EVA1C: variants seen among roughly 807,000 people sequenced by gnomAD.
The protein encoded by EVA1C is eva-1 homolog C, also known as protein eva-1 homolog C.
A neutral mutation model predicts 45.4 loss-of-function variants in EVA1C; 25 were observed. That is an observed-to-expected ratio of 0.55 (90% CI 0.40 to 0.77). The LOEUF is 0.77. Among genes scored for constraint, EVA1C ranks in the 30% least tolerant of loss-of-function variants. The pLI is 0.00. For missense variants in EVA1C, 479 were observed against 554.8 expected (o/e 0.86, Z 1.37); for synonymous variants, 190 against 221.2 (o/e 0.86, Z 1.25).
At chr21:32,493,432 A>C (rs980400490) in intron 4 of EVA1C, among the ~76,000 whole-genome samples, 2 of 149,220 alleles carry the variant, frequency 1.3e-5, no homozygotes, top group African/African-American at 4.9e-5. Flanking sequence ...CACATTTCCT[A>C]CTCATTCGCT....
intron 1 of EVA1C, among the ~76,000 whole-genome samples, chr21:32,415,538 C>T (rs2034001891): frequency 6.6e-6 from 1 of 152,078 alleles, no homozygotes; most frequent in Non-Finnish European, 1.5e-5. Context: ...CTTCCTTGAG[C>T]CTTTTCCTGG....
At chr21:32,420,532 C>G (rs2146110909) in intron 1 of EVA1C, among the ~76,000 whole-genome samples, 1 of 151,540 alleles carries the variant, frequency 6.6e-6, no homozygotes, top group South Asian at 2.1e-4. Flanking sequence ...ACTATAGTCA[C>G]ATGCCAGCAG....
chr21:32,445,270 T>C (rs1255525175), intron 1 of EVA1C, among the ~76,000 whole-genome samples: 2 of 152,212 alleles, frequency 1.3e-5, no homozygotes, highest in Admixed American at 6.5e-5. Context: ...CAGATATACA[T>C]TTGCCTCAGG....
intron 3 of EVA1C, among the ~76,000 whole-genome samples, chr21:32,464,226 G>C (rs962919364): frequency 6.6e-6 from 1 of 152,190 alleles, no homozygotes; most frequent in Non-Finnish European, 1.5e-5. Context: ...AAGGGCCTTC[G>C]AGACATTTGC....
Position 32,457,739 on chromosome 21 carries a change from G to A in EVA1C, c.481+19G>A. ...CAACCTAGTAAGTAACTTCGGAGGG[G>A]GACAGTGTGTTTGGGGTGTGGTTCT... On this transcript the variant is annotated intron_variant, in intron 3 of 7. Transcript: ENST00000300255. The A allele has an allele frequency of 1.2e-6, 2 of 1,613,916 alleles. No homozygotes were observed. Among genetic ancestry groups the A allele is most frequent in the Non-Finnish European group, 1.7e-6 (2 of 1,179,862 alleles).
At chr21:32,464,747 G>T (rs1378155774) in intron 3 of EVA1C, among the ~76,000 whole-genome samples, 1 of 152,172 alleles carries the variant, frequency 6.6e-6, no homozygotes, top group Admixed American at 6.5e-5. Flanking sequence ...GCTTGAGCCT[G>T]GGAGGTGGAG....
At chr21:32,483,962 A>ATGTGTGTGTG (rs55688415) in intron 4 of EVA1C, among the ~76,000 whole-genome samples, 11 of 147,232 alleles carry the variant, frequency 7.5e-5, no homozygotes, top group East Asian at 6.0e-4. Flanking sequence ...CTCACTGTTT[A>ATGTGTGTGTG]TGTGTGTGTG....
chr21:32,456,238 T>C (rs2035778585), intron 2 of EVA1C, among the ~76,000 whole-genome samples: 1 of 152,130 alleles, frequency 6.6e-6, no homozygotes, highest in Non-Finnish European at 1.5e-5. Context: ...GCAAGGTGCT[T>C]CCTCAGAGGG....
At chr21:32,490,143 T>A (rs2037107635) in intron 4 of EVA1C, among the ~76,000 whole-genome samples, 1 of 151,930 alleles carries the variant, frequency 6.6e-6, no homozygotes, top group Non-Finnish European at 1.5e-5. Context: ...TTTGGTCGTG[T>A]TAAGTATATT....
chr21:32,457,488 G>T (rs1277088925), intron 2 of EVA1C, 109 bp from the exon 3 acceptor site: 14 of 1,313,398 alleles, frequency 1.1e-5, no homozygotes, highest in Non-Finnish European at 2.2e-6. Flanking sequence ...AGCTTGGCCA[G>T]GTGGGGAGGC....
Position 32,515,239 on chromosome 21 carries a change from C to G in EVA1C, c.*49C>G. On this transcript the variant is annotated 3_prime_UTR_variant, in exon 8 of 8. Transcript: ENST00000300255. ...TCGCACTTTCTGAAGAAGGAAGGAT[C>G]CCAAATGCCCCTCCAGTTCTGGTTC... 7 of 1,520,626 alleles carry G rather than the reference C, an allele frequency of 4.6e-6. No homozygotes were observed. The highest frequency in any genetic ancestry group is 1.8e-4 in the Middle Eastern group (1 of 5,606). 94.2% of individuals were successfully genotyped at this position (1,520,626 alleles called of 1,614,324 possible).
At chr21:32,414,253 C>T (rs1293120809) in intron 1 of EVA1C, among the ~76,000 whole-genome samples, 3 of 152,178 alleles carry the variant, frequency 2.0e-5, no homozygotes, top group Non-Finnish European at 2.9e-5. Flanking sequence ...GATCAGAACT[C>T]TGTGGTAAGA....
At chr21:32,507,914 TGC>T (rs1285438170) in intron 7 of EVA1C, among the ~76,000 whole-genome samples, 5 of 142,908 alleles carry the variant, frequency 3.5e-5, no homozygotes, top group South Asian at 4.5e-4. Context: ...TCTGTGTGTG[TGC>T]GTGTGTGCCT....
intron 6 of EVA1C, 37 bp from the exon 7 acceptor site, chr21:32,503,889 G>T (rs372682092): frequency 1.4e-6 from 2 of 1,463,272 alleles, no homozygotes; most frequent in Non-Finnish European, 1.9e-6. Context: ...ACTATGAACA[G>T]CTGTGATTAA....
chr21:32,511,419 C>CAAAAAAAAA (rs749141703), intron 7 of EVA1C, among the ~76,000 whole-genome samples: 12 of 47,412 alleles, frequency 2.5e-4, no homozygotes, highest in African/African-American at 3.5e-4. Flanking sequence ...AACTCCGTCT[C>CAAAAAAAAA]AAAAAAAAAA....
chr21:32,488,218 G>A (rs555870502), intron 4 of EVA1C, among the ~76,000 whole-genome samples: 5 of 152,188 alleles, frequency 3.3e-5, no homozygotes, highest in African/African-American at 1.2e-4. Context: ...GACCTGAATA[G>A]ACATTTCTCC....
intron 4 of EVA1C, among the ~76,000 whole-genome samples, chr21:32,489,865 G>A (rs915588507): frequency 6.6e-6 from 1 of 152,066 alleles, no homozygotes; most frequent in African/African-American, 2.4e-5. Context: ...TTGTAAATGG[G>A]ATCTCGGCTC....
At chr21:32,500,435 G>A (rs573696494) in intron 5 of EVA1C, among the ~76,000 whole-genome samples, 78 of 152,074 alleles carry the variant, frequency 5.1e-4, no homozygotes, top group African/African-American at 1.8e-3. Flanking sequence ...ACAGGCATGA[G>A]CCATCATGCC....
In EVA1C at chr21:32,497,391, C is replaced by T. The variant is rs918667637; in HGVS notation, c.778+2221C>T. The T allele has an allele frequency of 1.1e-5, 4 of 361,652 alleles. No individual in the cohort carries two copies. The Admixed American group carries it at 1.7e-4, about 15-fold the overall frequency. 22.4% of individuals were successfully genotyped at this position (361,652 alleles called of 1,614,324 possible). On this transcript the variant is annotated intron_variant, in intron 5 of 7. Transcript: ENST00000300255. ...GGGAAAACTTTTTTCAGGTGAACTT[C>T]TCCCCATTTAGTTATTCAGAAGACA...
Sources: gnomAD v4.1 joint callset for allele counts (sites outside exome capture counted in the v4.1 genomes callset) on GRCh38, gnomAD v4.1.1 for gene constraint, MANE v1.5 for transcripts, NCBI Gene and HGNC (gene_info 2026-07-23, HGNC 2026-07-21) for gene names.